PCDHGA10: variants seen among roughly 807,000 people sequenced by gnomAD.
PCDHGA10 encodes the protein protocadherin gamma-A10.
PCDHGA10 carries 42 observed loss-of-function variants against 59.5 expected under a neutral mutation model. The observed-to-expected ratio is 0.71, with a 90% CI of 0.55 to 0.91. The LOEUF is 0.91. Among genes scored for constraint, PCDHGA10 ranks in the 40% least tolerant of loss-of-function variants. The probability of loss-of-function intolerance (pLI) is 0.00; values close to 1 mark genes in which losing one functional copy is unlikely to be tolerated. For missense variants in PCDHGA10, 1,111 were observed against 1,198.2 expected (o/e 0.93, Z 1.07); for synonymous variants, 511 against 517.2 (o/e 0.99, Z 0.16).
intron 1 of PCDHGA10, chr5:141,427,032 A>G (rs1227315080): frequency 2.2e-6 from 1 of 457,206 alleles, no homozygotes; most frequent in East Asian, 6.9e-5. Flanking sequence ...AGTCAGCCTT[A>G]GAGAGAATGT....
In PCDHGA10 at chr5:141,415,119, G is replaced by A; in HGVS notation, c.1944G>A (p.Val648=). ...ACGCGCTCAAGCAAAGCCTCGTAGT[G>A]GCCGTCCAGGACCACGGCCAGCCCC... ...DRDALKQSLV[V]AVQDHGQPPL... is the part of the protein sequence containing the mutation. The change falls in exon 1 of 4, where the codon GTG becomes GTA. Residue 648 remains valine (V), a synonymous_variant. Transcript: ENST00000398610. 1 of 1,613,666 alleles carries A rather than the reference G, an allele frequency of 6.2e-7. No homozygotes were observed. Among genetic ancestry groups the A allele is most frequent in the African/African-American group, 1.3e-5 (1 of 75,074 alleles).
chr5:141,418,694 TATTCC>T, intron 1 of PCDHGA10: 2 of 1,614,044 alleles, frequency 1.2e-6, no homozygotes, highest in Non-Finnish European at 1.7e-6. Flanking sequence ...AGAGATCACT[TATTCC>T]TTCTTTGGTG....
intron 1 of PCDHGA10, chr5:141,422,878 C>T: frequency 6.2e-7 from 1 of 1,614,264 alleles, no homozygotes; most frequent in African/African-American, 1.3e-5. Flanking sequence ...GTCGCTGAGC[C>T]TGTTCGTGCT....
chr5:141,414,150 A>C lies in PCDHGA10; in HGVS notation c.975A>C (p.Ala325=), dbSNP rs750190499. The change falls in exon 1 of 4, where the codon GCA becomes GCC. Residue 325 remains alanine, a synonymous_variant. Transcript: ENST00000398610. ...ETGFYEIEIQ[A]EDGGAYLATA... ...GTTTCTATGAAATAGAAATACAAGC[A>C]GAAGATGGAGGAGCATATCTTGCAA... The C allele has an allele frequency of 6.2e-7, 1 of 1,600,176 alleles. No individual in the cohort carries two copies. The highest frequency in any genetic ancestry group is 1.3e-5 in the African/African-American group (1 of 74,594).
At chr5:141,419,658 A>T in intron 1 of PCDHGA10, 2 of 1,612,782 alleles carry the variant, frequency 1.2e-6, no homozygotes, top group Non-Finnish European at 1.7e-6. Flanking sequence ...GACTCGGGGC[A>T]CAATGCCTGG....
At position 141,485,731 on chromosome 5, in the gene PCDHGA10, C is replaced by G; in HGVS notation, c.2437-9076C>G. 6.2e-7 allele frequency: 1 copy of G among 1,614,152 alleles called. No homozygotes were observed. Among genetic ancestry groups the G allele is most frequent in the Non-Finnish European group, 8.5e-7 (1 of 1,180,022 alleles). ...TTGCACTGGATGTGAAGAAGCGCAG[C>G]GACGGCAGCCTGGTCCCAGAGCTGC... On this transcript the variant is annotated intron_variant, in intron 1 of 3. Transcript: ENST00000398610. The surrounding 1 kb of genome is among the most constrained non-coding windows in gnomAD (Gnocchi z 5.7).
At chr5:141,460,989 A>G (rs199888312) in intron 1 of PCDHGA10, among the ~76,000 whole-genome samples, 3,445 of 98,242 alleles carry the variant, frequency 0.035, 55 homozygotes, top group African/African-American at 0.064. Context: ...GTGTGTATAT[A>G]TATATATGTG....
At chr5:141,419,096 G>T in intron 1 of PCDHGA10, 9 of 1,613,918 alleles carry the variant, frequency 5.6e-6, no homozygotes, top group Non-Finnish European at 7.6e-6. Context: ...CCTGGATCGG[G>T]AGCAGACCCC....
At chr5:141,441,864 G>A in intron 1 of PCDHGA10, 3 of 344,518 alleles carry the variant, frequency 8.7e-6, no homozygotes, top group Admixed American at 4.1e-5. Context: ...TGCACGCCGC[G>A]GAGCCTGGCT....
In PCDHGA10 at chr5:141,491,250, C is replaced by T. The variant is rs1328621598; in HGVS notation, c.2437-3557C>T. The T allele has an allele frequency of 6.2e-7, 1 of 1,614,148 alleles. No individual in the cohort carries two copies. Among genetic ancestry groups the T allele is most frequent in the South Asian group, 1.1e-5 (1 of 91,092 alleles). ...TGCTGCTGGTTCTGGAGGATGAGGA[C>T]CCTGAGGAAATGCCCAAATCCAGTG... On this transcript the variant is annotated intron_variant, in intron 1 of 3. Transcript: ENST00000398610. The surrounding 1 kb of genome is among the most constrained non-coding windows in gnomAD (Gnocchi z 6.9).
chr5:141,419,869 G>A, intron 1 of PCDHGA10: 3 of 1,614,072 alleles, frequency 1.9e-6, no homozygotes, highest in South Asian at 1.1e-5. Flanking sequence ...GCTTGCAAGA[G>A]GTACTGCCGG....
In PCDHGA10 at chr5:141,489,098, T is replaced by C; in HGVS notation, c.2437-5709T>C. 1 of 293,346 alleles carries C rather than the reference T, an allele frequency of 3.4e-6. No homozygotes were observed. The highest frequency in any genetic ancestry group is 5.5e-5 in the South Asian group (1 of 18,124). The allele number at this position is 293,346 out of a possible 1,614,324, so 18.2% of individuals were successfully genotyped here. A position where few individuals can be genotyped will look rare whatever the true frequency, so the allele number is the denominator to read the frequency against. ...CCCCCGCCACTCGGTGACTAAGAAC[T>C]GCTGCAAGCAGGCAAACCTCCGAGC... On this transcript the variant is annotated intron_variant, in intron 1 of 3. Transcript: ENST00000398610. The surrounding 1 kb of genome is among the most constrained non-coding windows in gnomAD (Gnocchi z 4.5).
intron 1 of PCDHGA10, chr5:141,478,217 G>A: frequency 2.5e-6 from 4 of 1,614,094 alleles, no homozygotes. Flanking sequence ...TCTAATCCTG[G>A]TTTCTGTGGG....
intron 1 of PCDHGA10, among the ~76,000 whole-genome samples, chr5:141,457,440 A>C (rs188608086): frequency 1.3e-5 from 2 of 152,334 alleles, no homozygotes; most frequent in African/African-American, 4.8e-5. Flanking sequence ...ACCAAGCTGC[A>C]GAAGATCACC....
chr5:141,413,967 G>C lies in PCDHGA10; in HGVS notation c.792G>C (p.Gln264His). ...CTGAGAATTTGCCTGTGGGCACTCA[G>C]CTGCTGACAGTCACAGCCACCGACA... The part of the protein sequence containing the change: ...SVPENLPVGT[Q>H]LLTVTATDRD... Residue 264 changes from glutamine to histidine, a missense_variant, in exon 1 of 4, where the codon CAG (glutamine) becomes CAC (histidine). Transcript: ENST00000398610. 9.3e-6 allele frequency: 15 copies of C among 1,613,428 alleles called. No individual in the cohort carries two copies. Among genetic ancestry groups the C allele is most frequent in the Non-Finnish European group, 1.2e-5 (14 of 1,179,838 alleles).
chr5:141,419,894 C>T (rs1590201850), intron 1 of PCDHGA10: 2 of 1,613,926 alleles, frequency 1.2e-6, no homozygotes, highest in East Asian at 2.2e-5. Flanking sequence ...CAGCGACCAT[C>T]CCACACCCTC....
At chr5:141,422,126 GAGA>G (rs767100115) in intron 1 of PCDHGA10, 2 of 1,601,210 alleles carry the variant, frequency 1.2e-6, no homozygotes, top group South Asian at 2.3e-5. Context: ...TCACAAACTG[GAGA>G]AGTTCAAGTA....
chr5:141,501,130 G>A (rs528942194), intron 2 of PCDHGA10, among the ~76,000 whole-genome samples: 5 of 152,100 alleles, frequency 3.3e-5, no homozygotes, highest in African/African-American at 4.8e-5. Flanking sequence ...GCCTCCCTAA[G>A]TGCTGGGATT....
At chr5:141,419,477 C>G (rs760970548) in intron 1 of PCDHGA10, 1 of 1,612,420 alleles carries the variant, frequency 6.2e-7, no homozygotes, top group Non-Finnish European at 8.5e-7. Flanking sequence ...CCAGGGCTCG[C>G]CCGCGCTCAG....
Sources: gnomAD v4.1 joint callset for allele counts (sites outside exome capture counted in the v4.1 genomes callset) on GRCh38, gnomAD v4.1.1 for gene constraint, Gnocchi (gnomAD v3.1) non-coding constraint, MANE v1.5 for transcripts, NCBI Gene and HGNC (gene_info 2026-07-23, HGNC 2026-07-21) for gene names.